The following PCDHA5 variants were observed in gnomAD, a reference collection of about 807,000 sequenced individuals.
PCDHA5 encodes protocadherin alpha 5, also known as protocadherin alpha-5.
In PCDHA5, 43 loss-of-function variants were observed where a neutral mutation model predicts 61.6. That is an observed-to-expected ratio of 0.70 (90% confidence interval 0.55 to 0.90). The LOEUF (loss-of-function observed/expected upper bound fraction) is 0.90. PCDHA5 is among the 40% of genes least tolerant of loss of function. The pLI is 0.00. For missense variants in PCDHA5, 1,298 were observed against 1,222.7 expected (o/e 1.06, Z -0.92); for synonymous variants, 627 against 543.9 (o/e 1.15, Z -2.13).
At chr5:140,886,664 A>G (rs1404216677) in intron 1 of PCDHA5, among the ~76,000 whole-genome samples, 1 of 151,922 alleles carries the variant, frequency 6.6e-6, no homozygotes, top group East Asian at 1.9e-4. Flanking sequence ...TGTCTCTACT[A>G]AAAATACAAA....
At chr5:141,000,414 TATATA>T (rs1398508145) in intron 3 of PCDHA5, among the ~76,000 whole-genome samples, 89 of 99,526 alleles carry the variant, frequency 8.9e-4, no homozygotes, top group African/African-American at 1.6e-3. Context: ...TATATATATA[TATATA>T]TATTTTTTTT....
intron 3 of PCDHA5, among the ~76,000 whole-genome samples, chr5:141,003,476 C>G (rs555987176): frequency 1.3e-3 from 191 of 152,130 alleles, no homozygotes; most frequent in African/African-American, 4.3e-3. Context: ...CACAGTCTCG[C>G]TAATTTTTAT....
intron 1 of PCDHA5, chr5:140,835,364 C>T: frequency 6.2e-7 from 1 of 1,613,892 alleles, no homozygotes; most frequent in Non-Finnish European, 8.5e-7. Flanking sequence ...ATAAAGGCTT[C>T]CCACCCCTGG....
chr5:140,964,909 A>G (rs1164322313), intron 1 of PCDHA5, among the ~76,000 whole-genome samples: 1 of 152,208 alleles, frequency 6.6e-6, no homozygotes, highest in African/African-American at 2.4e-5. Context: ...GCTTCTCTGG[A>G]ATAACACTGG....
At chr5:140,853,895 TG>T in intron 1 of PCDHA5, 1 of 971,706 alleles carries the variant, frequency 1.0e-6, no homozygotes, top group Non-Finnish European at 1.2e-6. Flanking sequence ...TAAAAAGATG[TG>T]GTGGCCTGAC....
intron 3 of PCDHA5, 64 bp downstream of exon 3, chr5:140,982,627 T>A: frequency 6.3e-7 from 1 of 1,581,770 alleles, no homozygotes; most frequent in Non-Finnish European, 8.6e-7. Flanking sequence ...GACCTACTTT[T>A]GTAAGATCAG....
intron 1 of PCDHA5, chr5:140,850,438 T>C (rs1554144332): frequency 6.3e-7 from 1 of 1,597,768 alleles, no homozygotes; most frequent in Admixed American, 1.7e-5. Flanking sequence ...CAGCGCCTAC[T>C]GGTGCTGGTG....
intron 1 of PCDHA5, chr5:140,968,616 A>G (rs782318101): frequency 6.2e-7 from 1 of 1,614,154 alleles, no homozygotes; most frequent in Admixed American, 1.7e-5. Flanking sequence ...TCTGGGCAAA[A>G]TGCTTGGCTT....
At chr5:140,853,040 G>C in intron 1 of PCDHA5, 2 of 265,518 alleles carry the variant, frequency 7.5e-6, no homozygotes, top group Non-Finnish European at 1.2e-5. Context: ...CACCATGCCC[G>C]CCTAATTTTT....
At position 140,875,445 on chromosome 5, in the gene PCDHA5, C is replaced by G; in HGVS notation, c.2352+51318C>G. The G allele has an allele frequency of 2.5e-6, 4 of 1,582,278 alleles. No individual in the cohort carries two copies. The South Asian group carries it at 3.5e-5, about 14-fold the overall frequency. On this transcript the variant is annotated intron_variant, in intron 1 of 3. Transcript: ENST00000529859. Reference sequence around the variant, plus strand: ...CAAGCGATCCCTTAAAACTGATTGTCCCAACTCAGAGGCCCTCATTTTCTG... The same window carrying G: ...CAAGCGATCCCTTAAAACTGATTGTGCCAACTCAGAGGCCCTCATTTTCTG...
intron 3 of PCDHA5, among the ~76,000 whole-genome samples, chr5:140,986,426 T>C (rs1405347449): frequency 1.3e-5 from 2 of 152,216 alleles, no homozygotes; most frequent in East Asian, 3.9e-4. Context: ...TTTAACTTCA[T>C]GAGTACTAAT....
intron 1 of PCDHA5, chr5:140,883,443 A>AT (rs1554178222): frequency 6.2e-7 from 1 of 1,614,136 alleles, no homozygotes; most frequent in Admixed American, 1.7e-5. Flanking sequence ...TTGACGCCGC[A>AT]TGTCCCCTTC....
At chr5:140,968,673 A>G in intron 1 of PCDHA5, 2 of 1,614,168 alleles carry the variant, frequency 1.2e-6, no homozygotes, top group Non-Finnish European at 1.7e-6. Context: ...TTTAAGGTAG[A>G]GCTGCACACA....
intron 3 of PCDHA5, among the ~76,000 whole-genome samples, chr5:140,998,172 T>C (rs1438782798): frequency 6.6e-6 from 1 of 152,184 alleles, no homozygotes; most frequent in Admixed American, 6.5e-5. Flanking sequence ...CCAAGTATTA[T>C]TCTAAGCACT....
intron 1 of PCDHA5, among the ~76,000 whole-genome samples, chr5:140,934,826 A>C (rs556197038): frequency 1.1e-4 from 17 of 152,294 alleles, no homozygotes; most frequent in South Asian, 1.0e-3. Context: ...TAACTTTGGC[A>C]AGTTGGGAAC....
At position 140,877,889 on chromosome 5, in the gene PCDHA5, G is replaced by A. The variant is rs904032241; in HGVS notation, c.2352+53762G>A. On this transcript the variant is annotated intron_variant, in intron 1 of 3. Coordinates refer to ENST00000529859, the MANE Select transcript of PCDHA5 (RefSeq NM_018908.3). ...ATATTTGTTTCCTTGAAGAACTTCC[G>A]TTTAGGTTATAACTACATTCTCTCA... 3.3e-5 allele frequency: 48 copies of A among 1,457,998 alleles called. No homozygotes were observed. The African/African-American group carries it at 6.0e-4, about 18-fold the overall frequency. 90.3% of individuals were successfully genotyped at this position (1,457,998 alleles called of 1,614,324 possible). A position where few individuals can be genotyped will look rare whatever the true frequency, so the allele number is the denominator to read the frequency against.
At chr5:140,973,728 C>G (rs1193811831) in intron 1 of PCDHA5, among the ~76,000 whole-genome samples, 1 of 152,232 alleles carries the variant, frequency 6.6e-6, no homozygotes, top group African/African-American at 2.4e-5. Context: ...ACATGGGCAT[C>G]TGGTCTAACT....
intron 3 of PCDHA5, among the ~76,000 whole-genome samples, chr5:141,006,417 G>A (rs1010340395): frequency 6.6e-6 from 1 of 152,030 alleles, no homozygotes; most frequent in Admixed American, 6.6e-5. Flanking sequence ...GTTTCACTGT[G>A]TTAGCCAGGA....
chr5:140,835,758 G>A (rs2150244199), intron 1 of PCDHA5: 9 of 1,613,436 alleles, frequency 5.6e-6, no homozygotes, highest in Non-Finnish European at 7.6e-6. Flanking sequence ...CGCGCAGCCC[G>A]AGTATACGGT....
Sources: gnomAD v4.1 joint callset for allele counts (sites outside exome capture counted in the v4.1 genomes callset) on GRCh38, gnomAD v4.1.1 for gene constraint, MANE v1.5 for transcripts, NCBI Gene and HGNC (gene_info 2026-07-23, HGNC 2026-07-21) for gene names.